The following ULK4 variants were observed in gnomAD, a reference collection of about 807,000 sequenced individuals.
The protein encoded by ULK4 is inactive serine/threonine-protein kinase ULK4.
ULK4 carries 133 observed loss-of-function variants against 160.6 expected under a neutral mutation model. That is an observed-to-expected ratio of 0.83 (90% CI 0.72 to 0.96). ULK4 has a LOEUF of 0.96. Among genes scored for constraint, ULK4 ranks in the 40% least tolerant of loss-of-function variants. ULK4 has a pLI of 0.00. For missense variants in ULK4, 1,580 were observed against 1,499.5 expected (o/e 1.05, Z -0.89); for synonymous variants, 534 against 539.8 (o/e 0.99, Z 0.15).
At chr3:41,944,825 T>C (rs1700065304) in intron 2 of ULK4, among the ~76,000 whole-genome samples, 1 of 152,130 alleles carries the variant, frequency 6.6e-6, no homozygotes, top group Non-Finnish European at 1.5e-5. Context: ...ATCAGTGGCC[T>C]CTCCATTGCC....
At chr3:41,716,078 T>TA (rs1275678145) in intron 23 of ULK4, among the ~76,000 whole-genome samples, 3 of 151,338 alleles carry the variant, frequency 2.0e-5, no homozygotes, top group Non-Finnish European at 4.4e-5. Flanking sequence ...CTGGGCATGA[T>TA]GGTGTGCGCC....
intron 35 of ULK4, among the ~76,000 whole-genome samples, chr3:41,374,968 T>C (rs1363553995): frequency 6.6e-6 from 1 of 151,834 alleles, no homozygotes; most frequent in Non-Finnish European, 1.5e-5. Flanking sequence ...TGTGCAAAAA[T>C]CAGAAGCATT....
chr3:41,507,612 C>CAAAAAA (rs71075473), intron 32 of ULK4, among the ~76,000 whole-genome samples: 1 of 75,286 alleles, frequency 1.3e-5, no homozygotes, highest in South Asian at 4.9e-4. Context: ...AAACCACCAC[C>CAAAAAA]AAAAAAAAAA....
Position 41,938,148 on chromosome 3 carries a change from T to C in ULK4, c.188A>G (p.Glu63Gly). The C allele has an allele frequency of 6.2e-7, 1 of 1,613,490 alleles. No homozygotes were observed. Among genetic ancestry groups the C allele is most frequent in the Non-Finnish European group, 8.5e-7 (1 of 1,179,716 alleles). The stretch of plus-strand genomic sequence containing the variant: ...GAGGTGGTTGCTTGTTTCATACCAT[T>C]CATGAAAAGTTACAATATTCTTGTG... ...IKHKNIVTFH[E>G]WYETSNHLWL... is the part of the protein sequence containing the mutation. Residue 63 changes from glutamate (E) to glycine (G), a missense_variant, in exon 3 of 37, where the codon GAA becomes GGA. By Grantham distance (98) the Glu-to-Gly change is moderately conservative (BLOSUM62 -2). Coordinates refer to ENST00000301831, the MANE Select transcript of ULK4 (RefSeq NM_017886.4).
chr3:41,632,729 T>C (rs2033798115), intron 30 of ULK4, among the ~76,000 whole-genome samples: 1 of 131,800 alleles, frequency 7.6e-6, no homozygotes, highest in South Asian at 2.3e-4. Flanking sequence ...ACTCACTGGA[T>C]TCTAACAAAA....
At chr3:41,307,870 TAAGGA>T (rs1391270293) in intron 35 of ULK4, among the ~76,000 whole-genome samples, 1 of 152,040 alleles carries the variant, frequency 6.6e-6, no homozygotes, top group African/African-American at 2.4e-5. Flanking sequence ...GCTAAAGTGG[TAAGGA>T]AATAGGAAAA....
chr3:41,554,414 G>A (rs1472925780), intron 32 of ULK4, among the ~76,000 whole-genome samples: 2 of 152,144 alleles, frequency 1.3e-5, no homozygotes, highest in African/African-American at 4.8e-5. Flanking sequence ...AACATGGATG[G>A]AGGTGGAAGT....
intron 34 of ULK4, among the ~76,000 whole-genome samples, chr3:41,405,351 T>C (rs1012389156): frequency 2.0e-5 from 3 of 152,168 alleles, no homozygotes; most frequent in African/African-American, 7.2e-5. Flanking sequence ...TGTATATGTA[T>C]CATATTTTCT....
chr3:41,342,647 G>A (rs1256142506), intron 35 of ULK4, among the ~76,000 whole-genome samples: 2 of 152,148 alleles, frequency 1.3e-5, no homozygotes, highest in Non-Finnish European at 2.9e-5. Flanking sequence ...AATTGAAAAG[G>A]ACAGACTCCT....
At chr3:41,907,765 A>C (rs926122232) in intron 12 of ULK4, 80 bp downstream of exon 12, 1 of 901,962 alleles carries the variant, frequency 1.1e-6, no homozygotes, top group Non-Finnish European at 1.6e-6. Context: ...AATTATTAAC[A>C]TAATTCATTT....
chr3:41,502,831 T>C (rs567107020), intron 32 of ULK4, among the ~76,000 whole-genome samples: 2 of 152,274 alleles, frequency 1.3e-5, no homozygotes, highest in East Asian at 3.9e-4. Context: ...GAAACTGAGG[T>C]GATAAAAATG....
chr3:41,550,856 C>T (rs896393053), intron 32 of ULK4, among the ~76,000 whole-genome samples: 2 of 151,984 alleles, frequency 1.3e-5, no homozygotes, highest in African/African-American at 4.8e-5. Flanking sequence ...GCACATTAAA[C>T]ATTCTCCAGG....
intron 32 of ULK4, among the ~76,000 whole-genome samples, chr3:41,466,378 C>G (rs1199123156): frequency 6.6e-6 from 1 of 152,096 alleles, no homozygotes; most frequent in African/African-American, 2.4e-5. Flanking sequence ...ACTCCAGAAA[C>G]AGACCCACAA....
intron 5 of ULK4, among the ~76,000 whole-genome samples, chr3:41,923,203 G>T (rs1300647701): frequency 2.6e-5 from 4 of 151,708 alleles, no homozygotes; most frequent in Admixed American, 1.3e-4. Context: ...AAAAAAATAA[G>T]AATCCCTGAA....
At chr3:41,384,390 G>A (rs2081750056) in intron 35 of ULK4, among the ~76,000 whole-genome samples, 1 of 152,164 alleles carries the variant, frequency 6.6e-6, no homozygotes, top group Non-Finnish European at 1.5e-5. Context: ...TGGTTGGAAT[G>A]TGACTTAAAC....
intron 29 of ULK4, among the ~76,000 whole-genome samples, chr3:41,679,124 T>C (rs758839115): frequency 1.6e-4 from 25 of 152,218 alleles, no homozygotes; most frequent in Admixed American, 4.6e-4. Context: ...TACATTTTAA[T>C]GGCCAATTCA....
At chr3:41,927,312 C>T (rs1320799620) in intron 5 of ULK4, among the ~76,000 whole-genome samples, 1 of 152,164 alleles carries the variant, frequency 6.6e-6, no homozygotes, top group Non-Finnish European at 1.5e-5. Flanking sequence ...GATCTTCTCA[C>T]AACCAGGCCT....
chr3:41,371,539 C>G (rs927636153), intron 35 of ULK4, among the ~76,000 whole-genome samples: 1 of 152,150 alleles, frequency 6.6e-6, no homozygotes, highest in African/African-American at 2.4e-5. Context: ...CTCCTGCTGA[C>G]GAGCAGAAGA....
At chr3:41,735,075 G>A (rs75092230) in intron 22 of ULK4, among the ~76,000 whole-genome samples, 4,356 of 152,258 alleles carry the variant, frequency 0.029, 204 homozygotes, top group African/African-American at 0.1. Context: ...GAGAGGGATC[G>A]CAGGGAGACT....
Sources: gnomAD v4.1 joint callset for allele counts (sites outside exome capture counted in the v4.1 genomes callset) on GRCh38, gnomAD v4.1.1 for gene constraint, MANE v1.5 for transcripts, NCBI Gene and HGNC (gene_info 2026-07-23, HGNC 2026-07-21) for gene names.